Variants in FOXP2 observed in about 807,000 individuals in gnomAD.
FOXP2 encodes forkhead box protein P2.
A neutral mutation model predicts 115.8 loss-of-function variants in FOXP2; 12 were observed. The ratio of observed to expected loss-of-function variants is 0.10; its 90% CI spans 0.07 to 0.17. FOXP2 has a LOEUF of 0.17. FOXP2 is among the 10% of genes least tolerant of loss of function. The pLI, the probability that FOXP2 is intolerant of heterozygous loss-of-function variation, is 1.00. For synonymous variants in FOXP2, 328 were observed against 297.7 expected (o/e 1.10, Z -1.05); for missense variants, 629 against 843.5 (o/e 0.75, Z 3.15).
chr7:114,333,094 C>T (rs1222950985), intron 2 of FOXP2, among the ~76,000 whole-genome samples: 2 of 151,802 alleles, frequency 1.3e-5, no homozygotes, highest in African/African-American at 2.4e-5. Flanking sequence ...AGATAATTCT[C>T]GGAGGAATAA....
chr7:114,317,404 G>A lies in FOXP2; in HGVS notation c.-11+29295G>A, dbSNP rs572592940. Among the ~76,000 whole-genome samples, 3 of 152,292 alleles carry A rather than the reference G, an allele frequency of 2.0e-5. No individual in the cohort carries two copies. In the South Asian group the frequency reaches 6.2e-4, roughly 32 times the overall value. On this transcript the variant is annotated intron_variant, in intron 2 of 17. Transcript: ENST00000634411. ...GACACAGTGGAAGTCTAAAATTACAGGATAATATTTAAACCTTGCAGTGCT... is the reference window on the plus strand; with the variant it reads ...GACACAGTGGAAGTCTAAAATTACAAGATAATATTTAAACCTTGCAGTGCT...
At chr7:114,664,582 C>A in intron 16 of FOXP2, 146 bp downstream of exon 16, 2 of 903,734 alleles carry the variant, frequency 2.2e-6, no homozygotes, top group East Asian at 2.7e-5. Flanking sequence ...CATAATATGA[C>A]AAAGTTTATC....
At chr7:114,104,556 G>T (rs1167980913) in intron 1 of FOXP2, among the ~76,000 whole-genome samples, 1 of 151,918 alleles carries the variant, frequency 6.6e-6, no homozygotes, top group Non-Finnish European at 1.5e-5. Flanking sequence ...TGTACATTTT[G>T]TAGTCTTTAT....
chr7:114,123,407 T>C (rs1015060138), intron 1 of FOXP2, among the ~76,000 whole-genome samples: 1 of 151,538 alleles, frequency 6.6e-6, no homozygotes, highest in Non-Finnish European at 1.5e-5. Context: ...ACCATATTTC[T>C]GAGGTTTTGC....
intron 1 of FOXP2, among the ~76,000 whole-genome samples, chr7:114,264,466 C>T (rs912007680): frequency 6.6e-6 from 1 of 152,254 alleles, no homozygotes; most frequent in African/African-American, 2.4e-5. Flanking sequence ...ATTTAAACAA[C>T]GTCTGCACTT....
chr7:114,628,599 G>A lies in FOXP2; in HGVS notation c.318G>A (p.Gln106=). 6.2e-7 allele frequency: 1 copy of A among 1,614,066 alleles called. No individual in the cohort carries two copies. The highest frequency in any genetic ancestry group is 1.6e-4 in the Middle Eastern group (1 of 6,062). The part of the protein sequence containing the change: ...PQVITPQQMQ[Q]ILQQQVLSPQ... ...TGATCACCCCTCAGCAAATGCAGCA[G>A]ATCCTTCAGCAACAAGTCCTGTCTC... The change falls in exon 4 of 17, where the codon CAG becomes CAA. Residue 106 remains glutamine, a synonymous_variant. Coordinates refer to ENST00000350908, the MANE Select transcript of FOXP2 (RefSeq NM_014491.4).
chr7:114,172,104 T>C (rs1005544362), intron 1 of FOXP2, among the ~76,000 whole-genome samples: 4 of 152,202 alleles, frequency 2.6e-5, no homozygotes, highest in Non-Finnish European at 5.9e-5. Context: ...ATAAAGCATT[T>C]TTTAAGTTAA....
rs188414781 is a variant in FOXP2, at chr7:114,615,683, A to G, written c.259-12857A>G. ...GCACTTTCTGCTACTGCTATTAATT[A>G]ATTAGTAGCATAATGAGTGGTTTAC... On this transcript the variant is annotated intron_variant, in intron 3 of 16. Coordinates refer to ENST00000350908, the MANE Select transcript of FOXP2 (RefSeq NM_014491.4). Among the ~76,000 whole-genome samples, 152 of 152,252 alleles carry G rather than the reference A, an allele frequency of 1.0e-3. 1 individual carries two copies. Among genetic ancestry groups the G allele is most frequent in the African/African-American group, 3.3e-3 (138 of 41,534 alleles).
chr7:114,362,408 A>G (rs1428216600), intron 2 of FOXP2, among the ~76,000 whole-genome samples: 1 of 152,022 alleles, frequency 6.6e-6, no homozygotes, highest in Non-Finnish European at 1.5e-5. Flanking sequence ...TTGGTAGAAA[A>G]AAAACAAAAA....
intron 2 of FOXP2, among the ~76,000 whole-genome samples, chr7:114,376,035 A>C (rs1198061238): frequency 6.6e-6 from 1 of 152,100 alleles, no homozygotes; most frequent in East Asian, 1.9e-4. Flanking sequence ...GTTGGCCTAG[A>C]TTGCTTTTTC....
chr7:114,665,599 T>C (rs1346481069), intron 16 of FOXP2: 1 of 152,146 alleles, frequency 6.6e-6, no homozygotes, highest in East Asian at 1.9e-4. Context: ...ACTTTTACTC[T>C]ATCACCTTTG....
chr7:114,462,039 G>GCGAGGC (rs1385077546), intron 2 of FOXP2, among the ~76,000 whole-genome samples: 1 of 151,890 alleles, frequency 6.6e-6, no homozygotes, highest in Non-Finnish European at 1.5e-5. Flanking sequence ...ACAGCATTTT[G>GCGAGGC]CGAGGCCGAG....
intron 1 of FOXP2, among the ~76,000 whole-genome samples, chr7:114,225,692 G>A (rs932915881): frequency 6.6e-6 from 1 of 151,998 alleles, no homozygotes; most frequent in African/African-American, 2.4e-5. Context: ...GCCTCCAGGG[G>A]TCTTCCTGTC....
At chr7:114,562,768 A>T in intron 3 of FOXP2, among the ~76,000 whole-genome samples, 1 of 74,176 alleles carries the variant, frequency 1.3e-5, no homozygotes. Flanking sequence ...CAATTATCTT[A>T]ACCCTGTTTT....
At chr7:114,592,779 A>C (rs1047489217) in intron 3 of FOXP2, among the ~76,000 whole-genome samples, 1 of 152,006 alleles carries the variant, frequency 6.6e-6, no homozygotes, top group Non-Finnish European at 1.5e-5. Flanking sequence ...ATTATGTTTA[A>C]AATTGGCATC....
At chr7:114,092,625 TAGTG>T (rs1799565718) in intron 1 of FOXP2, among the ~76,000 whole-genome samples, 1 of 152,120 alleles carries the variant, frequency 6.6e-6, no homozygotes, top group Admixed American at 6.6e-5. Flanking sequence ...CACTGGCAGA[TAGTG>T]AGGAAAAACT....
chr7:114,480,735 ATATGTGTATG>A, intron 2 of FOXP2, among the ~76,000 whole-genome samples: 1 of 150,760 alleles, frequency 6.6e-6, no homozygotes, highest in Non-Finnish European at 1.5e-5. Flanking sequence ...ATACACGTAT[ATATGTGTATG>A]TATGTATACG....
At chr7:114,353,950 C>G (rs1387974205) in intron 2 of FOXP2, among the ~76,000 whole-genome samples, 2 of 151,942 alleles carry the variant, frequency 1.3e-5, no homozygotes, top group African/African-American at 4.8e-5. Flanking sequence ...TTGACTGGGC[C>G]GAGGGATGAC....
intron 16 of FOXP2, chr7:114,669,398 T>A (rs1476113227): frequency 6.6e-6 from 1 of 152,086 alleles, no homozygotes; most frequent in African/African-American, 2.4e-5. Flanking sequence ...AAAACATTTT[T>A]ATTTTCTATT....
Sources: gnomAD v4.1 joint callset for allele counts (sites outside exome capture counted in the v4.1 genomes callset) on GRCh38, gnomAD v4.1.1 for gene constraint, MANE v1.5 for transcripts, NCBI Gene and HGNC (gene_info 2026-07-23, HGNC 2026-07-21) for gene names.